Variants in USP8 observed in about 807,000 individuals in gnomAD.
USP8 encodes the protein ubiquitin carboxyl-terminal hydrolase 8.
Under a neutral mutation model 130.0 loss-of-function variants are expected in USP8, and 27 were observed. That is an observed-to-expected ratio of 0.21 (90% CI 0.15 to 0.29). USP8 has a LOEUF of 0.29. Among genes scored for constraint, USP8 ranks in the 10% least tolerant of loss-of-function variants. The pLI is 1.00. For synonymous variants in USP8, 392 were observed against 444.1 expected (o/e 0.88, Z 1.48); for missense variants, 1,029 against 1,312.2 (o/e 0.78, Z 3.33).
In USP8 at chr15:50,433,465, A is replaced by C. The variant is rs141210873; in HGVS notation, c.-65-5544A>C. Reference sequence around the variant, plus strand: ...GAGTGGCTGGTGTGAATCCCTGCTTAAAATCAGGACCAGTTTGAATGACTG... The same window carrying C: ...GAGTGGCTGGTGTGAATCCCTGCTTCAAATCAGGACCAGTTTGAATGACTG... On this transcript the variant is annotated intron_variant, in intron 1 of 19. Coordinates refer to ENST00000307179, the MANE Select transcript of USP8 (RefSeq NM_005154.5). Among the ~76,000 whole-genome samples the C allele has an allele frequency of 3.7e-3, 566 of 152,286 alleles. 4 individuals carry two copies. Among genetic ancestry groups the C allele is most frequent in the African/African-American group, 0.013 (549 of 41,556 alleles).
intron 1 of USP8, among the ~76,000 whole-genome samples, chr15:50,427,805 C>T (rs1334787090): frequency 1.3e-5 from 2 of 151,122 alleles, no homozygotes; most frequent in African/African-American, 2.4e-5. Flanking sequence ...GTGATCTGCC[C>T]GCCTCAGCCT....
intron 4 of USP8, among the ~76,000 whole-genome samples, chr15:50,452,337 A>G (rs912664514): frequency 1.5e-4 from 23 of 152,212 alleles, no homozygotes; most frequent in Non-Finnish European, 1.0e-4. Flanking sequence ...TAAAAGGATC[A>G]GAAGTTAGTT....
At position 50,507,577 on chromosome 15, in the gene USP8, C is replaced by G. The variant is rs933353362; in HGVS notation, c.*8489C>G. On this transcript the variant is annotated 3_prime_UTR_variant, in exon 20 of 20. Transcript: ENST00000307179. The stretch of plus-strand genomic sequence containing the variant: ...ACCCAAATTGTATAATTTGAAACTG[C>G]TACCTACCTAACAAAACAGACTTGT... 1 of 152,054 alleles carries G rather than the reference C, an allele frequency of 6.6e-6. No individual in the cohort carries two copies. The highest frequency in any genetic ancestry group is 1.5e-5 in the Non-Finnish European group (1 of 67,982). 9.4% of individuals were successfully genotyped at this position (152,054 alleles called of 1,614,324 possible). A position where few individuals can be genotyped will look rare whatever the true frequency, so the allele number is the denominator to read the frequency against.
At chr15:50,464,258 G>A (rs1465781408) in intron 6 of USP8, among the ~76,000 whole-genome samples, 1 of 152,124 alleles carries the variant, frequency 6.6e-6, no homozygotes, top group African/African-American at 2.4e-5. Context: ...CTTTTGACTT[G>A]TTATTCTAAG....
chr15:50,463,382 T>A (rs1477892734), intron 6 of USP8: 3 of 152,244 alleles, frequency 2.0e-5, no homozygotes, highest in African/African-American at 7.2e-5. Context: ...GTTTACCTTG[T>A]CTACAGCCAT....
chr15:50,486,001 T>C (rs1020039822), intron 12 of USP8, among the ~76,000 whole-genome samples: 1 of 152,100 alleles, frequency 6.6e-6, no homozygotes, highest in Non-Finnish European at 1.5e-5. Context: ...TTTTCAAGTA[T>C]TTTCAATCTG....
chr15:50,462,624 T>G (rs1332377032), intron 6 of USP8, among the ~76,000 whole-genome samples: 2 of 152,156 alleles, frequency 1.3e-5, no homozygotes, highest in African/African-American at 4.8e-5. Flanking sequence ...AGTTTAGCAA[T>G]AATGGTTAAG....
chr15:50,496,033 C>T lies in USP8; in HGVS notation c.2844C>T (p.Ala948=), dbSNP rs768979069. 1.2e-6 allele frequency: 2 copies of T among 1,613,798 alleles called. No homozygotes were observed. Among genetic ancestry groups the T allele is most frequent in the South Asian group, 2.2e-5 (2 of 91,048 alleles). The change falls in exon 17 of 20, where the codon GCC becomes GCT. Residue 948 remains alanine, a synonymous_variant. Transcript: ENST00000307179. The stretch of plus-strand genomic sequence containing the variant: ...ACAAAAAGTCTAGGACATTTGAGGC[C>T]TTCATGTATTTGTCTCTACCACTAG... ...TCHKKSRTFE[A]FMYLSLPLAS...
At chr15:50,491,972 C>G (rs2052187896) in intron 14 of USP8, among the ~76,000 whole-genome samples, 1 of 152,134 alleles carries the variant, frequency 6.6e-6, no homozygotes. Flanking sequence ...AGCGATTCTC[C>G]TGCCTCAGCC....
chr15:50,473,183 A>G (rs2051438396), intron 8 of USP8, among the ~76,000 whole-genome samples: 1 of 152,190 alleles, frequency 6.6e-6, no homozygotes, highest in South Asian at 2.1e-4. Flanking sequence ...ACAAAGGTTT[A>G]AAAAATAATA....
At chr15:50,450,462 CT>C (rs35800074) in intron 4 of USP8, among the ~76,000 whole-genome samples, 1,838 of 80,406 alleles carry the variant, frequency 0.023, 23 homozygotes, top group African/African-American at 0.077. Context: ...GTTAGTCATT[CT>C]TTTTTTTTTT....
intron 17 of USP8, among the ~76,000 whole-genome samples, 186 bp downstream of exon 17, chr15:50,496,270 A>C (rs892504658): frequency 3.9e-5 from 6 of 152,146 alleles, no homozygotes; most frequent in African/African-American, 1.4e-4. Flanking sequence ...TCACGAGGTC[A>C]GGAGATCGAG....
At position 50,506,969 on chromosome 15, in the gene USP8, A is replaced by G. The variant is rs2052671092; in HGVS notation, c.*7881A>G. 1 of 150,412 alleles carries G rather than the reference A, an allele frequency of 6.6e-6. No homozygotes were observed. Among genetic ancestry groups the G allele is most frequent in the South Asian group, 2.1e-4 (1 of 4,780 alleles). The allele number at this position is 150,412 out of a possible 1,614,324, so 9.3% of individuals were successfully genotyped here. A position where few individuals can be genotyped will look rare whatever the true frequency, so the allele number is the denominator to read the frequency against. The stretch of plus-strand genomic sequence containing the variant: ...CGAGACTTCATCTCAAAAAAAAAAA[A>G]AAAAAAAAAAAAAAAAAAAAATCCA... On this transcript the variant is annotated 3_prime_UTR_variant, in exon 20 of 20. Transcript: ENST00000307179.
intron 1 of USP8, among the ~76,000 whole-genome samples, chr15:50,429,750 G>A (rs527514004): frequency 6.6e-6 from 1 of 152,216 alleles, no homozygotes; most frequent in East Asian, 1.9e-4. Context: ...GTTTAGGAGT[G>A]GGATCTGAGC....
In USP8 at chr15:50,507,542, G is replaced by T. The variant is rs1298436743; in HGVS notation, c.*8454G>T. On this transcript the variant is annotated 3_prime_UTR_variant, in exon 20 of 20. Transcript: ENST00000307179. ...AATGAGTCACTTTATAATGAAAAAAGGTTTAAATCACCCAAATTGTATAAT... is the reference window on the plus strand; with the variant it reads ...AATGAGTCACTTTATAATGAAAAAATGTTTAAATCACCCAAATTGTATAAT... 1 of 151,864 alleles carries T rather than the reference G, an allele frequency of 6.6e-6. No homozygotes were observed. The highest frequency in any genetic ancestry group is 1.9e-4 in the East Asian group (1 of 5,180). 9.4% of individuals were successfully genotyped at this position (151,864 alleles called of 1,614,324 possible). A position where few individuals can be genotyped will look rare whatever the true frequency, so the allele number is the denominator to read the frequency against.
At chr15:50,424,779 C>T (rs1322865896) in intron 1 of USP8, 2 of 314,492 alleles carry the variant, frequency 6.4e-6, no homozygotes, top group Non-Finnish European at 1.1e-5. Flanking sequence ...ATCTTCCGTT[C>T]TCTTGGACAC....
At chr15:50,492,662 C>T (rs1241246962) in intron 14 of USP8, 39 bp from the exon 15 acceptor site, 5 of 1,597,992 alleles carry the variant, frequency 3.1e-6, no homozygotes, top group East Asian at 2.2e-5. Context: ...TTCATATGCT[C>T]AGCATTTTAA....
At chr15:50,460,093 G>C (rs1020753301) in intron 5 of USP8, among the ~76,000 whole-genome samples, 1 of 143,026 alleles carries the variant, frequency 7.0e-6, no homozygotes, top group Non-Finnish European at 1.5e-5. Flanking sequence ...TGCCTCCCAG[G>C]TTCAAGCGAT....
Position 50,494,006 on chromosome 15 carries a change from A to C in USP8, c.2448-64A>C, listed in dbSNP as rs2052278976. On this transcript the variant is annotated intron_variant, in intron 15 of 19. Coordinates refer to ENST00000307179, the MANE Select transcript of USP8 (RefSeq NM_005154.5). ...AATTTCATGTTGACATCAAGAATCT[A>C]CTGTACCTTGCTTAACTTTTAAATT... The C allele has an allele frequency of 3.2e-6, 5 of 1,551,904 alleles. No homozygotes were observed. In the African/African-American group the frequency reaches 5.5e-5, roughly 17 times the overall value.
Sources: gnomAD v4.1 joint callset for allele counts (sites outside exome capture counted in the v4.1 genomes callset) on GRCh38, gnomAD v4.1.1 for gene constraint, MANE v1.5 for transcripts, NCBI Gene and HGNC (gene_info 2026-07-23, HGNC 2026-07-21) for gene names.